Variants in SLC4A5 observed in about 807,000 individuals in gnomAD.
The protein encoded by SLC4A5 is electrogenic sodium bicarbonate cotransporter 4.
Under a neutral mutation model 120.4 loss-of-function variants are expected in SLC4A5, and 96 were observed. That is an observed-to-expected ratio of 0.80 (90% CI 0.68 to 0.94). SLC4A5 has a LOEUF of 0.94. SLC4A5 is among the 40% of genes least tolerant of loss of function. The pLI is 0.00. For missense variants in SLC4A5, 1,259 were observed against 1,459.5 expected (o/e 0.86, Z 2.24); for synonymous variants, 550 against 571.1 (o/e 0.96, Z 0.53).
exon 7 of SLC4A5, chr2:74,304,498 T>C: frequency 1.2e-6 from 2 of 1,611,418 alleles, no homozygotes. Flanking sequence ...CGAGTCCTGC[T>C]GATAAGATCC....
intron 17 of SLC4A5, among the ~76,000 whole-genome samples, chr2:74,249,177 G>A (rs1188543126): frequency 2.0e-5 from 3 of 152,168 alleles, no homozygotes; most frequent in African/African-American, 7.2e-5. Flanking sequence ...TGTCTCCTGG[G>A]GTGAAAATTG....
chr2:74,303,016 C>CTGTGTGTGTG (rs10601390), intron 7 of SLC4A5, among the ~76,000 whole-genome samples: 35 of 145,052 alleles, frequency 2.4e-4, no homozygotes, highest in Middle Eastern at 3.4e-3. Context: ...CTGAGCAGGA[C>CTGTGTGTGTG]TGTGTGTGTG....
At chr2:74,331,966 C>T (rs1558918204) in intron 4 of SLC4A5, among the ~76,000 whole-genome samples, 1 of 152,092 alleles carries the variant, frequency 6.6e-6, no homozygotes. Flanking sequence ...TTCAACCTGC[C>T]CTAGGAAGGG....
exon 31 of SLC4A5, chr2:74,218,517 C>T (rs151120511): frequency 3.9e-5 from 6 of 152,384 alleles, no homozygotes; most frequent in Non-Finnish European, 7.4e-5. Context: ...TATAGGCAGA[C>T]GGACTCCCTC....
chr2:74,231,489 C>T (rs1485566227), intron 24 of SLC4A5, among the ~76,000 whole-genome samples, 181 bp from the exon 25 acceptor site: 1 of 152,148 alleles, frequency 6.6e-6, no homozygotes, highest in Non-Finnish European at 1.5e-5. Flanking sequence ...AGACAGGCGG[C>T]CCCTGACTGG....
At chr2:74,217,530 T>G (rs1422606823) in exon 31 of SLC4A5, 2 of 152,216 alleles carry the variant, frequency 1.3e-5, no homozygotes, top group Non-Finnish European at 2.9e-5. Flanking sequence ...AGTTTGACTT[T>G]GGGAATAAAC....
At chr2:74,244,495 CCTTCCTT>C (rs201799913) in intron 19 of SLC4A5, among the ~76,000 whole-genome samples, 3,454 of 70,990 alleles carry the variant, frequency 0.049, 136 homozygotes, top group African/African-American at 0.1. Flanking sequence ...TTTCTCTCTC[CCTTCCTT>C]CTTTTCTTTC....
chr2:74,258,564 TTCCA>T (rs1272081869), intron 12 of SLC4A5, among the ~76,000 whole-genome samples: 1 of 152,232 alleles, frequency 6.6e-6, no homozygotes, highest in Non-Finnish European at 1.5e-5. Flanking sequence ...CCTAAATTAC[TTCCA>T]AGTTAAGGGC....
chr2:74,278,695 G>C (rs1671719792), intron 8 of SLC4A5, among the ~76,000 whole-genome samples: 1 of 152,144 alleles, frequency 6.6e-6, no homozygotes, highest in East Asian at 1.9e-4. Context: ...GACTAGCATA[G>C]AGAGAGGGAA....
At chr2:74,236,952 G>A (rs572451479) in intron 21 of SLC4A5, among the ~76,000 whole-genome samples, 4 of 151,190 alleles carry the variant, frequency 2.6e-5, no homozygotes, top group Non-Finnish European at 4.4e-5. Flanking sequence ...CTCTGCAACC[G>A]GAAATTCCAG....
intron 6 of SLC4A5, chr2:74,307,654 CCTT>C: frequency 1.0e-6 from 1 of 1,004,624 alleles, no homozygotes; most frequent in Non-Finnish European, 1.5e-6. Context: ...ACCTGGGGTC[CCTT>C]CTTCTCCAGG....
chr2:74,257,631 G>A (rs1208047261), intron 12 of SLC4A5, among the ~76,000 whole-genome samples: 1 of 152,156 alleles, frequency 6.6e-6, no homozygotes, highest in Non-Finnish European at 1.5e-5. Context: ...AAAGGCTGGA[G>A]TGCAGTGGCA....
At position 74,227,865 on chromosome 2, in the gene SLC4A5, G is replaced by A. The variant is rs142595668; in HGVS notation, c.2861C>T (p.Pro954Leu). The A allele has an allele frequency of 9.9e-6, 16 of 1,608,976 alleles. No individual in the cohort carries two copies. The highest frequency in any genetic ancestry group is 2.7e-5 in the African/African-American group (2 of 74,832). The change falls in exon 26 of 31, where the codon CCG becomes CTG. Residue 954 changes from proline (P) to leucine (L), a missense_variant. Coordinates refer to ENST00000394019, the Ensembl canonical transcript of SLC4A5. ...GTAGAGGAAGACTCCGTACAGCACC[G>A]GCAGGGGGATACACTAAAATGAGAG...
intron 25 of SLC4A5, among the ~76,000 whole-genome samples, chr2:74,228,848 T>C (rs1427954032): frequency 2.0e-5 from 3 of 152,126 alleles, no homozygotes; most frequent in Non-Finnish European, 4.4e-5. Flanking sequence ...AATGGGATCA[T>C]AGAATTCATC....
At chr2:74,254,159 T>C (rs916805660) in intron 14 of SLC4A5, among the ~76,000 whole-genome samples, 1 of 152,206 alleles carries the variant, frequency 6.6e-6, no homozygotes, top group African/African-American at 2.4e-5. Context: ...GACTCAGCTC[T>C]GCTTACAGGC....
chr2:74,290,648 A>AGAGAGAGAGAGAGG (rs1672135092), intron 7 of SLC4A5: 1 of 974,844 alleles, frequency 1.0e-6, no homozygotes, highest in African/African-American at 1.8e-5. Context: ...AGAGAGAGAG[A>AGAGAGAGAGAGAGG]GAAGTGAGCA....
At chr2:74,304,140 C>T (rs1321709282) in intron 7 of SLC4A5, among the ~76,000 whole-genome samples, 2 of 152,250 alleles carry the variant, frequency 1.3e-5, no homozygotes, top group Admixed American at 6.5e-5. Context: ...TGAGCCACCG[C>T]GCCCGGCCGC....
chr2:74,318,742 T>G (rs1673026787), intron 5 of SLC4A5, among the ~76,000 whole-genome samples: 1 of 150,194 alleles, frequency 6.7e-6, no homozygotes, highest in African/African-American at 2.4e-5. Flanking sequence ...AGAGAAAACA[T>G]GCACTGTCGG....
chr2:74,241,987 G>C lies in SLC4A5; in HGVS notation c.2118+7C>G, dbSNP rs765919508. 6.2e-7 allele frequency: 1 copy of C among 1,601,882 alleles called. No individual in the cohort carries two copies. ...TCAAATGTCTAACATAAGAGGAAAG[G>C]ACTTACCAGAGAAGCGTTGGTGTCT... is the stretch of plus-strand genomic sequence containing the variant. On this transcript the variant is annotated splice_region_variant and intron_variant, in intron 20 of 30. Transcript: ENST00000394019.
Sources: gnomAD v4.1 joint callset for allele counts (sites outside exome capture counted in the v4.1 genomes callset) on GRCh38, gnomAD v4.1.1 for gene constraint, MANE v1.5 for transcripts, NCBI Gene and HGNC (gene_info 2026-07-23, HGNC 2026-07-21) for gene names.